The following SLCO3A1 variants were observed in gnomAD, a reference collection of about 807,000 sequenced individuals.
The protein encoded by SLCO3A1 is solute carrier organic anion transporter family member 3A1.
In SLCO3A1, 27 loss-of-function variants were observed where a neutral mutation model predicts 63.1. That is an observed-to-expected ratio of 0.43 (90% CI 0.32 to 0.59). The LOEUF (loss-of-function observed/expected upper bound fraction) is 0.59. Among genes scored for constraint, SLCO3A1 ranks in the 20% least tolerant of loss-of-function variants. SLCO3A1 has a pLI of 0.09. For synonymous variants in SLCO3A1, 473 were observed against 409.9 expected (o/e 1.15, Z -1.86); for missense variants, 773 against 945.8 (o/e 0.82, Z 2.40).
intron 7 of SLCO3A1, among the ~76,000 whole-genome samples, chr15:92,134,653 AG>A (rs1221781693): frequency 6.6e-6 from 1 of 152,246 alleles, no homozygotes; most frequent in Non-Finnish European, 1.5e-5. Flanking sequence ...ACTTCAGGTT[AG>A]GGGCCAAAAA....
chr15:92,080,390 GTT>G (rs201735080), intron 2 of SLCO3A1, among the ~76,000 whole-genome samples: 2 of 143,590 alleles, frequency 1.4e-5, no homozygotes, highest in Admixed American at 1.4e-4. Context: ...AATACATGGA[GTT>G]TTTTTTTTTT....
intron 1 of SLCO3A1, among the ~76,000 whole-genome samples, chr15:91,889,913 C>T (rs577935205): frequency 8.2e-4 from 125 of 151,804 alleles, no homozygotes; most frequent in Non-Finnish European, 1.6e-3. Flanking sequence ...TAGTCTAGTC[C>T]GCGTATCCTA....
chr15:92,151,546 T>TGACC (rs1448297952), intron 9 of SLCO3A1, among the ~76,000 whole-genome samples: 29 of 152,120 alleles, frequency 1.9e-4, no homozygotes, highest in Non-Finnish European at 4.4e-5. Flanking sequence ...GAAGAAAGTC[T>TGACC]GACCCTCTTG....
chr15:92,101,813 C>T (rs937958383), intron 3 of SLCO3A1, among the ~76,000 whole-genome samples: 1 of 152,164 alleles, frequency 6.6e-6, no homozygotes, highest in Admixed American at 6.5e-5. Context: ...TGTACTTGCC[C>T]GGGTGGCAGG....
At chr15:92,134,828 C>T (rs536544889) in intron 7 of SLCO3A1, among the ~76,000 whole-genome samples, 97 of 151,530 alleles carry the variant, frequency 6.4e-4, no homozygotes, top group Admixed American at 1.4e-3. Context: ...GCTGTGTAGA[C>T]AAATCAGTGA....
rs1207854412 is a variant in SLCO3A1 at position 92,164,958 on chromosome 15, A to AG, written c.*1823_*1824insG. 1 of 969,708 alleles carries AG rather than the reference A, an allele frequency of 1.0e-6. No homozygotes were observed. Among genetic ancestry groups the AG allele is most frequent in the Non-Finnish European group, 1.2e-6 (1 of 824,260 alleles). 60.1% of individuals were successfully genotyped at this position (969,708 alleles called of 1,614,324 possible). ...GTCACATTCCTGGCGCTGGAAAAAA[A>AG]ACTCAAAGGTTGATTGGTTTGCTTT... On this transcript the variant is annotated 3_prime_UTR_variant, in exon 10 of 10. Transcript: ENST00000318445.
intron 2 of SLCO3A1, among the ~76,000 whole-genome samples, chr15:92,056,399 T>TA (rs2047022241): frequency 1.3e-5 from 2 of 152,196 alleles, no homozygotes; most frequent in African/African-American, 4.8e-5. Flanking sequence ...TTCAGAACCT[T>TA]AGTCTCTCTT....
intron 7 of SLCO3A1, among the ~76,000 whole-genome samples, chr15:92,145,920 C>G (rs71412545): frequency 0.04 from 6,070 of 151,610 alleles, 154 homozygotes; most frequent in Middle Eastern, 0.075. Context: ...CTTTCAGACA[C>G]CCCTGAAACC....
chr15:91,987,552 G>C (rs1196231511), intron 2 of SLCO3A1, among the ~76,000 whole-genome samples: 4 of 152,052 alleles, frequency 2.6e-5, no homozygotes, highest in Admixed American at 2.6e-4. Context: ...GACCAGCCTA[G>C]CCAACATCAT....
chr15:91,928,426 G>T (rs1003789767), intron 2 of SLCO3A1, among the ~76,000 whole-genome samples: 2 of 152,140 alleles, frequency 1.3e-5, no homozygotes, highest in African/African-American at 4.8e-5. Context: ...TTAGTGAGTG[G>T]CACGGCCCAA....
chr15:92,016,233 ATAGATAGATAGATAGATAGAT>A (rs780669701), intron 2 of SLCO3A1, among the ~76,000 whole-genome samples: 2,614 of 59,340 alleles, frequency 0.044, 40 homozygotes, highest in East Asian at 0.13. Flanking sequence ...AGATAGATAG[ATAGATAGATAGATAGATAGAT>A]TAGATAGATA....
chr15:92,143,986 C>T (rs1216457893), intron 7 of SLCO3A1, among the ~76,000 whole-genome samples: 1 of 152,200 alleles, frequency 6.6e-6, no homozygotes, highest in Non-Finnish European at 1.5e-5. Context: ...GGGCATGGCG[C>T]CTCCACTGGT....
At chr15:91,943,795 A>G (rs781752584) in intron 2 of SLCO3A1, among the ~76,000 whole-genome samples, 4 of 152,186 alleles carry the variant, frequency 2.6e-5, no homozygotes, top group Non-Finnish European at 5.9e-5. Context: ...CATCTGTGCT[A>G]GGTCATGATT....
At chr15:92,136,093 A>G (rs1053997374) in intron 7 of SLCO3A1, among the ~76,000 whole-genome samples, 2 of 152,312 alleles carry the variant, frequency 1.3e-5, no homozygotes, top group South Asian at 4.1e-4. Flanking sequence ...CTGCACTGCA[A>G]ACTAAGACCT....
rs1185133291 is a variant in SLCO3A1 at position 91,856,813 on chromosome 15, C to T, written c.180+2725C>T. Among the ~76,000 whole-genome samples the T allele has an allele frequency of 6.6e-6, 1 of 152,164 alleles. No homozygotes were observed. Among genetic ancestry groups the T allele is most frequent in the African/African-American group, 2.4e-5 (1 of 41,424 alleles). ...ACAGAGAGGAGGGTGGTTACAAATT[C>T]TATGCCAACGATGTTATTTCCTATT... On this transcript the variant is annotated intron_variant, in intron 1 of 9. Coordinates refer to ENST00000318445, the MANE Select transcript of SLCO3A1 (RefSeq NM_013272.4). The surrounding 1 kb of genome is among the most constrained non-coding windows in gnomAD (Gnocchi z 4.9).
At chr15:92,100,787 TTAGA>T (rs1419842349) in intron 3 of SLCO3A1, among the ~76,000 whole-genome samples, 1 of 152,218 alleles carries the variant, frequency 6.6e-6, no homozygotes, top group East Asian at 1.9e-4. Flanking sequence ...TCTCAGCAGC[TTAGA>T]ATACTAAAGG....
chr15:92,069,780 C>T (rs1450695605), intron 2 of SLCO3A1, among the ~76,000 whole-genome samples: 2 of 152,142 alleles, frequency 1.3e-5, no homozygotes, highest in African/African-American at 4.8e-5. Flanking sequence ...GAATGAGTCA[C>T]GAAGTGAATC....
intron 2 of SLCO3A1, among the ~76,000 whole-genome samples, chr15:92,062,994 C>T (rs1207423800): frequency 6.6e-6 from 1 of 152,184 alleles, no homozygotes; most frequent in African/African-American, 2.4e-5. Context: ...GAAGAAAAAC[C>T]TTGGGACAGA....
chr15:92,051,449 G>C (rs1178388704), intron 2 of SLCO3A1, among the ~76,000 whole-genome samples: 1 of 152,150 alleles, frequency 6.6e-6, no homozygotes, highest in Non-Finnish European at 1.5e-5. Context: ...TGCACAGGGA[G>C]GGATTCACTA....
Sources: allele counts gnomAD v4.1 joint callset (sites outside exome capture counted in the v4.1 genomes callset), GRCh38; gene constraint gnomAD v4.1.1; non-coding constraint Gnocchi (gnomAD v3.1); transcripts MANE v1.5; gene names NCBI Gene and HGNC (gene_info 2026-07-23, HGNC 2026-07-21).